Variants in RABGAP1 observed in about 807,000 individuals in gnomAD.
The protein encoded by RABGAP1 is rab GTPase-activating protein 1.
A neutral mutation model predicts 137.6 loss-of-function variants in RABGAP1; 23 were observed. That is an observed-to-expected ratio of 0.17 (90% CI 0.12 to 0.24). The LOEUF (loss-of-function observed/expected upper bound fraction) is 0.24. RABGAP1 is among the 10% of genes least tolerant of loss of function. The pLI, the probability that RABGAP1 is intolerant of heterozygous loss-of-function variation, is 1.00. For missense variants in RABGAP1, 906 were observed against 1,275.8 expected (o/e 0.71, Z 4.42); for synonymous variants, 451 against 450.7 (o/e 1.00, Z -0.01).
chr9:123,046,349 G>T (rs981745965), intron 13 of RABGAP1, among the ~76,000 whole-genome samples: 4 of 152,170 alleles, frequency 2.6e-5, no homozygotes, highest in Non-Finnish European at 5.9e-5. Context: ...GTCTTATGCA[G>T]AAAATACAAT....
intron 1 of RABGAP1, among the ~76,000 whole-genome samples, chr9:122,953,061 T>A (rs1834333705): frequency 6.6e-6 from 1 of 152,208 alleles, no homozygotes; most frequent in Non-Finnish European, 1.5e-5. Flanking sequence ...AATTAGGAAA[T>A]TAATTTATTT....
chr9:123,076,367 G>A, intron 18 of RABGAP1, 81 bp downstream of exon 18: 2 of 1,477,862 alleles, frequency 1.4e-6, no homozygotes, highest in Non-Finnish European at 1.9e-6. Context: ...CTCATTCTGA[G>A]CAGTCACTGT....
At chr9:123,035,714 G>C (rs2032617717) in intron 13 of RABGAP1, 1 of 760,260 alleles carries the variant, frequency 1.3e-6, no homozygotes, top group Non-Finnish European at 2.1e-6. Context: ...TAATTCACTA[G>C]GAAATCTGGG....
At chr9:123,076,505 C>A in intron 18 of RABGAP1, 129 bp from the exon 19 acceptor site, 1 of 1,169,592 alleles carries the variant, frequency 8.5e-7, no homozygotes, top group Non-Finnish European at 1.2e-6. Context: ...ATGCAGGTGG[C>A]TCTGACAAAA....
chr9:123,057,106 T>C (rs1236298027), intron 13 of RABGAP1, among the ~76,000 whole-genome samples: 1 of 146,596 alleles, frequency 6.8e-6, no homozygotes, highest in Non-Finnish European at 1.5e-5. Context: ...GGCGGGGGGC[T>C]GACCCCCCCA....
In RABGAP1 at chr9:123,070,570, A is replaced by C; in HGVS notation, c.1983+146A>C. 2 of 1,409,778 alleles carry C rather than the reference A, an allele frequency of 1.4e-6. No homozygotes were observed. The highest frequency in any genetic ancestry group is 1.9e-6 in the Non-Finnish European group (2 of 1,076,406). The allele number at this position is 1,409,778 out of a possible 1,614,324, so 87.3% of individuals were successfully genotyped here. The stretch of plus-strand genomic sequence containing the variant: ...CCTATAGCTGGAAACTTTTTCCTTA[A>C]ATTAACTTAATGTCATTGTGGAGGA... On this transcript the variant is annotated intron_variant, in intron 15 of 25. Coordinates refer to ENST00000373647, the MANE Select transcript of RABGAP1 (RefSeq NM_012197.4). This position sits in a 1 kb window ranked among gnomAD's most constrained non-coding sequence, Gnocchi z 4.4.
intron 1 of RABGAP1, among the ~76,000 whole-genome samples, chr9:122,950,377 C>CTTTTTTTTTTTTTTTTTTTTTTTGTTT (rs200424486): frequency 1.3e-5 from 1 of 74,492 alleles, no homozygotes; most frequent in African/African-American, 5.3e-5. Context: ...CTTTTTCTTT[C>CTTTTTTTTTTTTTTTTTTTTTTTGTTT]TTTTTTTTTT....
At chr9:122,984,353 T>A (rs1042286855) in intron 2 of RABGAP1, 132 bp from the exon 3 acceptor site, 19 of 774,744 alleles carry the variant, frequency 2.5e-5, no homozygotes, top group African/African-American at 5.3e-5. Context: ...ATTCTATTTT[T>A]AAAAAAAACA....
At position 123,054,263 on chromosome 9, in the gene RABGAP1, A is replaced by G. The variant is rs62580283; in HGVS notation, c.1795-11085A>G. On this transcript the variant is annotated intron_variant, in intron 13 of 25. Transcript: ENST00000373647. Reference sequence around the variant, plus strand: ...AGAACAGAGCCTACCTGTGATTACTATTGAGCATATATCCACAATGTTCAT... The same window carrying G: ...AGAACAGAGCCTACCTGTGATTACTGTTGAGCATATATCCACAATGTTCAT... 8.8e-3 allele frequency among the ~76,000 whole-genome samples: 1,340 copies of G among 152,326 alleles called. 21 individuals carry two copies. The highest frequency in any genetic ancestry group is 0.014 in the Middle Eastern group (4 of 294).
chr9:122,981,995 G>A (rs1431337745), intron 2 of RABGAP1, among the ~76,000 whole-genome samples: 1 of 151,400 alleles, frequency 6.6e-6, no homozygotes, highest in African/African-American at 2.4e-5. Flanking sequence ...GTTGCAGTAA[G>A]CCGAGATTGT....
At chr9:123,020,205 T>G in intron 12 of RABGAP1, 104 bp from the exon 13 acceptor site, 1 of 1,040,726 alleles carries the variant, frequency 9.6e-7, no homozygotes, top group Non-Finnish European at 1.3e-6. Flanking sequence ...TTTGTTACCT[T>G]GTCACGTATT....
chr9:123,103,993 GTGTA>G lies in RABGAP1; in HGVS notation c.*786_*789del, dbSNP rs567921044. 1.1e-4 allele frequency: 11 copies of G among 104,190 alleles called. No individual in the cohort carries two copies. Among genetic ancestry groups the G allele is most frequent in the African/African-American group, 4.2e-4 (11 of 26,360 alleles). 6.5% of individuals were successfully genotyped at this position (104,190 alleles called of 1,614,324 possible). A position where few individuals can be genotyped will look rare whatever the true frequency, so the allele number is the denominator to read the frequency against. The stretch of plus-strand genomic sequence containing the variant: ...TGTGTGTGTGTGTGTGTGTGTGTGT[GTGTA>G]TGTATATATATATATAAATATCTTT... On this transcript the variant is annotated 3_prime_UTR_variant, in exon 26 of 26. Coordinates refer to ENST00000373647, the MANE Select transcript of RABGAP1 (RefSeq NM_012197.4).
At chr9:122,979,363 A>G (rs779399555) in intron 2 of RABGAP1, among the ~76,000 whole-genome samples, 6 of 152,280 alleles carry the variant, frequency 3.9e-5, no homozygotes, top group Non-Finnish European at 8.8e-5. Flanking sequence ...AGTTCTCTAT[A>G]TATTCTGGAT....
At chr9:122,948,978 T>C (rs1834081691) in intron 1 of RABGAP1, among the ~76,000 whole-genome samples, 2 of 152,176 alleles carry the variant, frequency 1.3e-5, no homozygotes, top group Non-Finnish European at 2.9e-5. Flanking sequence ...CACAAGTAGT[T>C]TGGGGGACTC....
At chr9:122,946,078 C>T (rs189980273) in intron 1 of RABGAP1, 16 of 152,274 alleles carry the variant, frequency 1.1e-4, no homozygotes, top group African/African-American at 3.6e-4. Context: ...AGATAACTCA[C>T]TGTCTTTGGA....
Position 123,103,606 on chromosome 9 carries a change from T to C in RABGAP1, c.*393T>C, listed in dbSNP as rs868311163. 9.5e-5 allele frequency: 7 copies of C among 73,802 alleles called. No homozygotes were observed. Among genetic ancestry groups the C allele is most frequent in the African/African-American group, 2.7e-4 (4 of 14,968 alleles). The allele number at this position is 73,802 out of a possible 1,614,324, so 4.6% of individuals were successfully genotyped here. A position where few individuals can be genotyped will look rare whatever the true frequency, so the allele number is the denominator to read the frequency against. On this transcript the variant is annotated 3_prime_UTR_variant, in exon 26 of 26. Coordinates refer to ENST00000373647, the MANE Select transcript of RABGAP1 (RefSeq NM_012197.4). ...TAATATACATATATATATATATATA[T>C]ATATATATATATATATATATATATA...
chr9:122,945,499 A>G (rs1833900828), intron 1 of RABGAP1: 1 of 152,128 alleles, frequency 6.6e-6, no homozygotes, highest in African/African-American at 2.4e-5. Flanking sequence ...CCTTTTTCTG[A>G]TCACTATACA....
intron 10 of RABGAP1, among the ~76,000 whole-genome samples, chr9:123,003,921 C>G (rs1353727361): frequency 1.3e-5 from 2 of 152,174 alleles, no homozygotes; most frequent in African/African-American, 4.8e-5. Context: ...TAAAATCTTT[C>G]ATAAAATTAC....
At chr9:122,974,089 A>G (rs1255395691) in intron 2 of RABGAP1, among the ~76,000 whole-genome samples, 2 of 151,896 alleles carry the variant, frequency 1.3e-5, no homozygotes, top group African/African-American at 2.4e-5. Flanking sequence ...GTTACTGAAC[A>G]TGAGCTCAGT....
Sources: gnomAD v4.1 joint callset for allele counts (sites outside exome capture counted in the v4.1 genomes callset) on GRCh38, gnomAD v4.1.1 for gene constraint, Gnocchi (gnomAD v3.1) non-coding constraint, MANE v1.5 for transcripts, NCBI Gene and HGNC (gene_info 2026-07-23, HGNC 2026-07-21) for gene names.